LRRTM3: variants seen among roughly 807,000 people sequenced by gnomAD.
LRRTM3 encodes leucine rich repeat transmembrane neuronal 3.
A neutral mutation model predicts 44.7 loss-of-function variants in LRRTM3; 24 were observed. That is an observed-to-expected ratio of 0.54 (90% CI 0.39 to 0.76). The LOEUF is 0.76. Among genes scored for constraint, LRRTM3 ranks in the 30% least tolerant of loss-of-function variants. LRRTM3 has a pLI of 0.00. For synonymous variants in LRRTM3, 277 were observed against 278.7 expected, an observed-to-expected ratio of 0.99 and a Z score of 0.06; for missense variants, 587 against 702.2, an observed-to-expected ratio of 0.84 and a Z score of 1.85.
chr10:67,002,318 A>G (rs994126378), intron 2 of LRRTM3, among the ~76,000 whole-genome samples: 13 of 152,150 alleles, frequency 8.5e-5, no homozygotes, highest in African/African-American at 3.1e-4. Flanking sequence ...ACTTCAAATA[A>G]CTACTAATTC....
At chr10:67,047,481 A>T (rs1365847629) in intron 2 of LRRTM3, among the ~76,000 whole-genome samples, 1 of 152,124 alleles carries the variant, frequency 6.6e-6, no homozygotes, top group East Asian at 1.9e-4. Flanking sequence ...GTGTTACTGC[A>T]TTATATTTAA....
intron 2 of LRRTM3, among the ~76,000 whole-genome samples, chr10:66,937,894 T>C (rs981356510): frequency 6.6e-6 from 1 of 152,138 alleles, no homozygotes; most frequent in Non-Finnish European, 1.5e-5. Flanking sequence ...TTTTCTGTTT[T>C]TTTTCCCCCT....
intron 2 of LRRTM3, among the ~76,000 whole-genome samples, chr10:67,063,321 C>T (rs1273610451): frequency 6.6e-6 from 1 of 152,122 alleles, no homozygotes; most frequent in Non-Finnish European, 1.5e-5. Flanking sequence ...TGGGGAACAA[C>T]ATAGCCTGAG....
chr10:66,946,868 A>T (rs1327727857), intron 2 of LRRTM3, among the ~76,000 whole-genome samples: 1 of 152,164 alleles, frequency 6.6e-6, no homozygotes, highest in African/African-American at 2.4e-5. Context: ...CATGTATTCC[A>T]CAGCATGAAT....
chr10:66,964,086 G>A (rs1434724140), intron 2 of LRRTM3, among the ~76,000 whole-genome samples: 2 of 151,768 alleles, frequency 1.3e-5, no homozygotes, highest in Admixed American at 6.6e-5. Context: ...TTCTGACCTC[G>A]TGATCTGCCT....
intron 2 of LRRTM3, among the ~76,000 whole-genome samples, chr10:66,955,975 C>A (rs1408527834): frequency 6.6e-6 from 1 of 152,064 alleles, no homozygotes; most frequent in Non-Finnish European, 1.5e-5. Context: ...AGTGCTCTGC[C>A]AGAAAGGGGT....
chr10:66,938,344 A>G (rs749524363), intron 2 of LRRTM3, among the ~76,000 whole-genome samples: 7 of 152,280 alleles, frequency 4.6e-5, no homozygotes, highest in Non-Finnish European at 1.0e-4. Flanking sequence ...TACTAATAGC[A>G]TATTGTTGAC....
At chr10:66,963,285 A>G (rs1428642022) in intron 2 of LRRTM3, among the ~76,000 whole-genome samples, 1 of 152,096 alleles carries the variant, frequency 6.6e-6, no homozygotes, top group African/African-American at 2.4e-5. Flanking sequence ...TTAGCTTTGA[A>G]CTCCACCTCT....
Position 66,927,995 on chromosome 10 carries a change from T to A in LRRTM3, c.1079T>A (p.Ile360Asn). 6.2e-7 allele frequency: 1 copy of A among 1,614,186 alleles called. No individual in the cohort carries two copies. Among genetic ancestry groups the A allele is most frequent in the Non-Finnish European group, 8.5e-7 (1 of 1,180,044 alleles). Residue 360 changes from isoleucine (I) to asparagine (N), a missense_variant, in exon 2 of 3, where the codon ATC (isoleucine) becomes AAC (asparagine). Physicochemically the swap from Ile to Asn is moderately radical, Grantham distance 149 (BLOSUM62 -3). This residue lies in a region of LRRTM3 where 315 missense variants were observed against 335.6 expected (regional missense o/e 0.94). Transcript: ENST00000361320. The surrounding 1 kb of genome is among the most constrained non-coding windows in gnomAD (Gnocchi z 4.7). Reference sequence around the variant, plus strand: ...ATCGATGCAGTGAAGAACTACAGCATCTGTGGCAAAAGTACTACAGAGAGG... The same window carrying A: ...ATCGATGCAGTGAAGAACTACAGCAACTGTGGCAAAAGTACTACAGAGAGG... ...NVIDAVKNYS[I>N]CGKSTTERFD...
At chr10:67,036,526 T>A (rs1303774170) in intron 2 of LRRTM3, among the ~76,000 whole-genome samples, 1 of 151,956 alleles carries the variant, frequency 6.6e-6, no homozygotes, top group East Asian at 1.9e-4. Flanking sequence ...TAGCCGGGCG[T>A]GGTGGCAGCT....
At chr10:67,026,712 G>T (rs750051262) in intron 2 of LRRTM3, among the ~76,000 whole-genome samples, 10 of 152,170 alleles carry the variant, frequency 6.6e-5, no homozygotes, top group Non-Finnish European at 1.5e-4. Flanking sequence ...TGACGAAAAA[G>T]TATATTAACG....
intron 2 of LRRTM3, among the ~76,000 whole-genome samples, chr10:66,975,656 G>A (rs769055079): frequency 1.4e-4 from 22 of 152,142 alleles, no homozygotes; most frequent in Non-Finnish European, 2.9e-4. Flanking sequence ...AGGATTAGTG[G>A]TGGCATTGAG....
rs111920381 is a variant in LRRTM3 at position 66,947,459 on chromosome 10, A to G, written c.1536+19007A>G. On this transcript the variant is annotated intron_variant, in intron 2 of 2. Coordinates refer to ENST00000361320, the MANE Select transcript of LRRTM3 (RefSeq NM_178011.5). ...AGGGGAATGGTTCTGCTTCTTCTAC[A>G]TAACTTTATTTTAAAATGTGTTGTT... is the stretch of plus-strand genomic sequence containing the variant. 1.8e-3 allele frequency among the ~76,000 whole-genome samples: 270 copies of G among 152,284 alleles called. 3 individuals carry two copies. The highest frequency in any genetic ancestry group is 0.014 in the Middle Eastern group (4 of 294).
intron 2 of LRRTM3, among the ~76,000 whole-genome samples, chr10:66,936,365 G>A (rs1847695366): frequency 6.6e-6 from 1 of 151,858 alleles, no homozygotes; most frequent in African/African-American, 2.4e-5. Context: ...TCACTTTCTT[G>A]AAAGCTAATT....
At chr10:67,007,666 C>T (rs1286223230) in intron 2 of LRRTM3, among the ~76,000 whole-genome samples, 1 of 151,858 alleles carries the variant, frequency 6.6e-6, no homozygotes, top group Non-Finnish European at 1.5e-5. Context: ...CTTCAAAGAC[C>T]ACTCAACATT....
At chr10:66,969,697 G>T (rs139545618) in intron 2 of LRRTM3, among the ~76,000 whole-genome samples, 139 of 152,164 alleles carry the variant, frequency 9.1e-4, no homozygotes, top group Middle Eastern at 6.8e-3. Context: ...ATAGGTCAAA[G>T]CTGATATACT....
intron 2 of LRRTM3, among the ~76,000 whole-genome samples, chr10:67,049,918 C>G (rs74929712): frequency 0.025 from 3,739 of 152,254 alleles, 63 homozygotes; most frequent in Non-Finnish European, 0.038. Context: ...TGCTGTGTTT[C>G]ACATTTAGAA....
chr10:67,092,725 C>A (rs886311126), intron 2 of LRRTM3, among the ~76,000 whole-genome samples: 1 of 151,794 alleles, frequency 6.6e-6, no homozygotes, highest in Admixed American at 6.6e-5. Context: ...TATTTTTAAC[C>A]ATCTAACTTT....
intron 2 of LRRTM3, among the ~76,000 whole-genome samples, chr10:66,948,757 A>C (rs1212141212): frequency 6.6e-6 from 1 of 152,194 alleles, no homozygotes; most frequent in African/African-American, 2.4e-5. Context: ...TGCTCCCTTC[A>C]TTCCTATGAT....
Sources: allele counts gnomAD v4.1 joint callset (sites outside exome capture counted in the v4.1 genomes callset), GRCh38; gene constraint gnomAD v4.1.1; regional missense constraint gnomAD v4.1.1; non-coding constraint Gnocchi (gnomAD v3.1); transcripts MANE v1.5; gene names NCBI Gene and HGNC (gene_info 2026-07-23, HGNC 2026-07-21).